The following ZNF532 variants were observed in gnomAD, a reference collection of about 807,000 sequenced individuals.
ZNF532 encodes the protein zinc finger protein 532.
ZNF532 carries 22 observed loss-of-function variants against 89.3 expected under a neutral mutation model. The ratio of observed to expected loss-of-function variants is 0.25; its 90% CI spans 0.18 to 0.35. The LOEUF (loss-of-function observed/expected upper bound fraction) is 0.35, where lower values mean the gene tolerates loss of function less well. ZNF532 is among the 10% of genes least tolerant of loss of function. The pLI is 1.00. For synonymous variants in ZNF532, 606 were observed against 649.6 expected (o/e 0.93, Z 1.02); for missense variants, 1,132 against 1,643.4 (o/e 0.69, Z 5.38).
intron 2 of ZNF532, among the ~76,000 whole-genome samples, chr18:58,882,372 A>G (rs773224948): frequency 3.9e-5 from 6 of 152,160 alleles, no homozygotes; most frequent in Non-Finnish European, 5.9e-5. Context: ...TTGTCAGGAA[A>G]ATGGGCTGGA....
chr18:58,972,798 C>T (rs1469206185), intron 7 of ZNF532, among the ~76,000 whole-genome samples: 4 of 152,228 alleles, frequency 2.6e-5, no homozygotes, highest in Non-Finnish European at 4.4e-5. Context: ...AGCAGAGTTC[C>T]TCTGTGTCCA....
At position 58,887,674 on chromosome 18, in the gene ZNF532, A is replaced by G. The variant is rs117035262; in HGVS notation, c.-18+22095A>G. 6.1e-3 allele frequency among the ~76,000 whole-genome samples: 930 copies of G among 152,158 alleles called. 13 individuals are homozygous for G. Among genetic ancestry groups the G allele is most frequent in the Non-Finnish European group, 0.01 (690 of 68,002 alleles). On this transcript the variant is annotated intron_variant, in intron 2 of 9. Transcript: ENST00000591808. ...CCACCTGGGCTTAACACAAAACCACAAACCAAAACAGAACCCCCACGCTCA... is the reference window on the plus strand; with the variant it reads ...CCACCTGGGCTTAACACAAAACCACGAACCAAAACAGAACCCCCACGCTCA...
At chr18:58,915,488 C>T (rs2060537796) in intron 2 of ZNF532, among the ~76,000 whole-genome samples, 2 of 152,136 alleles carry the variant, frequency 1.3e-5, no homozygotes, top group African/African-American at 4.8e-5. Context: ...GCTTCTCAAC[C>T]CCTTGAGGGG....
At chr18:58,950,784 A>C (rs2064083009) in intron 6 of ZNF532, among the ~76,000 whole-genome samples, 1 of 152,180 alleles carries the variant, frequency 6.6e-6, no homozygotes, top group Non-Finnish European at 1.5e-5. Context: ...TTGAAAAGAA[A>C]TAAGTTGTTT....
At chr18:58,876,310 G>T (rs2057425606) in intron 2 of ZNF532, among the ~76,000 whole-genome samples, 1 of 152,134 alleles carries the variant, frequency 6.6e-6, no homozygotes, top group South Asian at 2.1e-4. Flanking sequence ...TTTCTAAGTA[G>T]CCTCCTGGTG....
chr18:58,960,336 C>T (rs1320704808), intron 7 of ZNF532, among the ~76,000 whole-genome samples: 1 of 152,182 alleles, frequency 6.6e-6, no homozygotes, highest in Non-Finnish European at 1.5e-5. Flanking sequence ...AGGTGTGAGC[C>T]ATTGTACTGG....
rs566299773 is a variant in ZNF532 at position 58,893,668 on chromosome 18, A to G, written c.-17-24603A>G. Among the ~76,000 whole-genome samples, 52 of 151,948 alleles carry G rather than the reference A, an allele frequency of 3.4e-4. 1 individual carries two copies. Among genetic ancestry groups the G allele is most frequent in the African/African-American group, 1.2e-3 (50 of 41,440 alleles). On this transcript the variant is annotated intron_variant, in intron 2 of 9. Transcript: ENST00000591808. The stretch of plus-strand genomic sequence containing the variant: ...CAAGACTCTGTCTCAAAAAAAAAAA[A>G]AAAGAAAGAAATGAGATAATTGGGA...
chr18:58,952,942 A>G (rs953740863), intron 6 of ZNF532, among the ~76,000 whole-genome samples: 1 of 152,222 alleles, frequency 6.6e-6, no homozygotes, highest in African/African-American at 2.4e-5. Context: ...GTAAGAAAGG[A>G]TGGGTCGGGA....
At chr18:58,901,179 CCTGAACTTCT>C (rs1305542781) in intron 2 of ZNF532, among the ~76,000 whole-genome samples, 1 of 152,188 alleles carries the variant, frequency 6.6e-6, no homozygotes, top group Non-Finnish European at 1.5e-5. Context: ...CTCTGTTTGA[CCTGAACTTCT>C]CTTTTCTGGA....
intron 2 of ZNF532, among the ~76,000 whole-genome samples, chr18:58,914,817 A>G (rs2060493758): frequency 6.6e-6 from 1 of 152,250 alleles, no homozygotes; most frequent in African/African-American, 2.4e-5. Flanking sequence ...GGGAAAGGGA[A>G]GCTAAAATGA....
At chr18:58,877,239 A>G (rs1483605315) in intron 2 of ZNF532, among the ~76,000 whole-genome samples, 1 of 152,156 alleles carries the variant, frequency 6.6e-6, no homozygotes, top group South Asian at 2.1e-4. Flanking sequence ...CACTTCATGT[A>G]GCAGTGTTGG....
In ZNF532 at chr18:58,917,515, G is replaced by T. The variant is rs549390245; in HGVS notation, c.-17-756G>T. 7.2e-5 allele frequency among the ~76,000 whole-genome samples: 11 copies of T among 152,250 alleles called. No homozygotes were observed. The South Asian group carries it at 2.3e-3, about 32-fold the overall frequency. On this transcript the variant is annotated intron_variant, in intron 2 of 9. Transcript: ENST00000591808. ...ATCACTTGTCCTCTGCGGGTCGGGG[G>T]AAGAGCCCCTTTTAAAGATCCCTCA...
intron 2 of ZNF532, among the ~76,000 whole-genome samples, chr18:58,907,554 G>C (rs2060010753): frequency 6.6e-6 from 1 of 151,954 alleles, no homozygotes; most frequent in Admixed American, 6.6e-5. Flanking sequence ...GGAGTGCAGT[G>C]GTGCGATCCC....
At chr18:58,929,797 C>G (rs2061801402) in intron 3 of ZNF532, among the ~76,000 whole-genome samples, 1 of 152,200 alleles carries the variant, frequency 6.6e-6, no homozygotes, top group Non-Finnish European at 1.5e-5. Flanking sequence ...GCTGTATTTG[C>G]TTGGTATGAC....
chr18:58,941,799 CTCTTTTCTTTGTT>C (rs1249368331), intron 5 of ZNF532, among the ~76,000 whole-genome samples: 3 of 151,440 alleles, frequency 2.0e-5, no homozygotes, highest in Non-Finnish European at 4.4e-5. Flanking sequence ...TTTTTCTTTT[CTCTTTTCTTTGTT>C]TCTTTTCTTT....
chr18:58,919,867 T>A lies in ZNF532; in HGVS notation c.1580T>A (p.Leu527His). 1 of 1,614,020 alleles carries A rather than the reference T, an allele frequency of 6.2e-7. No individual in the cohort carries two copies. Among genetic ancestry groups the A allele is most frequent in the Middle Eastern group, 1.7e-4 (1 of 6,056 alleles). ...LVPKTVHLAN[L>H]NLLPQGAQAT... ...CCAAAGACTGTGCACCTTGCCAACC[T>A]TAACCTTTTGCCTCAGGGTGCCCAG... Residue 527 changes from leucine to histidine, a missense_variant, in exon 3 of 10, where the codon CTT becomes CAT. Physicochemically the swap from Leu to His is moderately conservative, Grantham distance 99. Transcript: ENST00000591808. This position sits in a 1 kb window ranked among gnomAD's most constrained non-coding sequence, Gnocchi z 6.1.
At chr18:58,924,165 C>T (rs531233871) in intron 3 of ZNF532, among the ~76,000 whole-genome samples, 17 of 152,340 alleles carry the variant, frequency 1.1e-4, no homozygotes, top group South Asian at 8.3e-4. Flanking sequence ...GCTAGCATTC[C>T]ATGTATTTTA....
intron 2 of ZNF532, among the ~76,000 whole-genome samples, chr18:58,891,941 A>T (rs1327537148): frequency 6.6e-6 from 1 of 152,216 alleles, no homozygotes; most frequent in African/African-American, 2.4e-5. Flanking sequence ...CCTTTAGGAA[A>T]ATGAAAGTAA....
intron 6 of ZNF532, among the ~76,000 whole-genome samples, chr18:58,948,436 A>G (rs1482158274): frequency 6.6e-6 from 1 of 152,206 alleles, no homozygotes; most frequent in Non-Finnish European, 1.5e-5. Flanking sequence ...TGATCTGCCT[A>G]CTAAAGATTA....
Sources: gnomAD v4.1 joint callset for allele counts (sites outside exome capture counted in the v4.1 genomes callset) on GRCh38, gnomAD v4.1.1 for gene constraint, Gnocchi (gnomAD v3.1) non-coding constraint, MANE v1.5 for transcripts, NCBI Gene and HGNC (gene_info 2026-07-23, HGNC 2026-07-21) for gene names.